The following CFAP206 variants were observed in gnomAD, a reference collection of about 807,000 sequenced individuals.
The protein encoded by CFAP206 is cilia- and flagella-associated protein 206.
In CFAP206, 53 loss-of-function variants were observed where a neutral mutation model predicts 65.4. That is an observed-to-expected ratio of 0.81 (90% CI 0.65 to 1.02). The LOEUF (loss-of-function observed/expected upper bound fraction) is 1.02, where lower values mean the gene tolerates loss of function less well. Ranked by LOEUF, CFAP206 falls within the 50% of genes least tolerant of loss-of-function variation. The probability of loss-of-function intolerance (pLI) is 0.00; values close to 1 mark genes in which losing one functional copy is unlikely to be tolerated. For synonymous variants in CFAP206, 250 were observed against 254.4 expected (o/e 0.98, Z 0.17); for missense variants, 663 against 753.2 (o/e 0.88, Z 1.40).
intron 7 of CFAP206, among the ~76,000 whole-genome samples, chr6:87,419,296 A>C (rs1379324597): frequency 6.6e-6 from 1 of 152,128 alleles, no homozygotes; most frequent in Non-Finnish European, 1.5e-5. Context: ...GTGTTTTTAG[A>C]TCTAATGAAC....
intron 7 of CFAP206, among the ~76,000 whole-genome samples, chr6:87,425,048 T>C (rs1768011080): frequency 6.6e-6 from 1 of 152,186 alleles, no homozygotes. Flanking sequence ...AAACTGTTCT[T>C]GCTACTGAAA....
At chr6:87,417,364 G>A (rs1402509096) in intron 6 of CFAP206, among the ~76,000 whole-genome samples, 3 of 151,768 alleles carry the variant, frequency 2.0e-5, no homozygotes, top group Non-Finnish European at 2.9e-5. Flanking sequence ...ATGAAATTTG[G>A]TACTCCTGTA....
At position 87,408,146 on chromosome 6, in the gene CFAP206, G is replaced by C. The variant is rs576896255; in HGVS notation, c.-6+57G>C. ...CCGGAGGCGTACCCCGCCAGGCGGC[G>C]AGCTTGGGGCGGCTGGCGGAGCTCG... On this transcript the variant is annotated intron_variant, in intron 1 of 12. Coordinates refer to ENST00000369562, the MANE Select transcript of CFAP206 (RefSeq NM_001031743.3). 225 of 914,310 alleles carry C rather than the reference G, an allele frequency of 2.5e-4. No individual in the cohort carries two copies. In the African/African-American group the frequency reaches 3.7e-3, roughly 15 times the overall value. 56.6% of individuals were successfully genotyped at this position (914,310 alleles called of 1,614,324 possible).
At chr6:87,433,516 T>C (rs1186240087) in intron 10 of CFAP206, among the ~76,000 whole-genome samples, 1 of 152,044 alleles carries the variant, frequency 6.6e-6, no homozygotes, top group Non-Finnish European at 1.5e-5. Flanking sequence ...TTGGAAAAGA[T>C]GTCCCATTTT....
At chr6:87,409,521 C>CTTT (rs71554717) in intron 1 of CFAP206, among the ~76,000 whole-genome samples, 1 of 137,956 alleles carries the variant, frequency 7.2e-6, no homozygotes, top group Non-Finnish European at 1.6e-5. Context: ...CCTGCTTAGC[C>CTTT]TTTTTTTTTT....
intron 11 of CFAP206, among the ~76,000 whole-genome samples, chr6:87,437,272 TTAC>T (rs1224684058): frequency 6.6e-6 from 1 of 152,196 alleles, no homozygotes; most frequent in Non-Finnish European, 1.5e-5. Flanking sequence ...CAGGCCCTTA[TTAC>T]TGCTTTATTG....
rs139508497 is a variant in CFAP206, at chr6:87,464,085, T to C, written c.1704T>C (p.Asn568=). 154 of 1,614,124 alleles carry C rather than the reference T, an allele frequency of 9.5e-5. 1 individual carries two copies. In the African/African-American group the frequency reaches 2.0e-3, roughly 21 times the overall value. The change falls in exon 13 of 13, where the codon AAT becomes AAC. Residue 568 remains asparagine, a synonymous_variant. Transcript: ENST00000369562. ...ATCTTAGTCACTTGAGAAGAGAAAA[T>C]TGTTCCCAAGTGTACCCTCCAAAGG... ...QTDLSHLRRE[N]CSQVYPPKDT...
At chr6:87,442,017 C>T in intron 11 of CFAP206, 1 of 238,734 alleles carries the variant, frequency 4.2e-6, no homozygotes, top group South Asian at 6.5e-5. Flanking sequence ...ATTGCAGATC[C>T]TTCCAAAATA....
chr6:87,430,764 C>G (rs1447496159), intron 9 of CFAP206, among the ~76,000 whole-genome samples: 1 of 152,188 alleles, frequency 6.6e-6, no homozygotes, highest in Admixed American at 6.5e-5. Context: ...GAAATGGCCT[C>G]TCCTTTCTGT....
chr6:87,417,553 CT>C lies in CFAP206; in HGVS notation c.632-639del, dbSNP rs11394813. 3.7e-3 allele frequency among the ~76,000 whole-genome samples: 490 copies of C among 132,748 alleles called. 2 individuals are homozygous for C. Among genetic ancestry groups the C allele is most frequent in the Middle Eastern group, 8.4e-3 (2 of 238 alleles). 87.1% of individuals were successfully genotyped at this position (132,748 alleles called of 152,430 possible). A position where few individuals can be genotyped will look rare whatever the true frequency, so the allele number is the denominator to read the frequency against. On this transcript the variant is annotated intron_variant, in intron 6 of 12. Transcript: ENST00000369562. The stretch of plus-strand genomic sequence containing the variant: ...CAGATGAGTTTCTTAACAAACGTTC[CT>C]TTTTTTTTTTTTTTTAATAACTAGA...
chr6:87,435,510 A>G (rs1768248552), intron 11 of CFAP206: 1 of 153,102 alleles, frequency 6.5e-6, no homozygotes, highest in African/African-American at 2.4e-5. Flanking sequence ...CTTATTTAGT[A>G]AGCCACTTAT....
At chr6:87,440,488 G>A (rs1010089130) in intron 11 of CFAP206, among the ~76,000 whole-genome samples, 8 of 151,982 alleles carry the variant, frequency 5.3e-5, no homozygotes, top group Admixed American at 4.6e-4. Context: ...TATTACAGGA[G>A]GTGAGTGTTG....
chr6:87,444,906 C>T (rs1768418538), intron 11 of CFAP206: 1 of 539,124 alleles, frequency 1.9e-6, no homozygotes, highest in Non-Finnish European at 3.7e-6. Flanking sequence ...GCTTGTAAGG[C>T]TCACCACTTG....
At chr6:87,428,288 G>A (rs1028046335) in intron 8 of CFAP206, among the ~76,000 whole-genome samples, 2 of 138,930 alleles carry the variant, frequency 1.4e-5, no homozygotes, top group African/African-American at 2.7e-5. Context: ...GTGCCTGGCC[G>A]TATTTTTTTT....
chr6:87,451,605 T>C (rs1445358119), intron 11 of CFAP206, among the ~76,000 whole-genome samples: 4 of 151,970 alleles, frequency 2.6e-5, no homozygotes, highest in Middle Eastern at 3.4e-3. Context: ...ATAGCTGTGG[T>C]GGCCACAAGG....
chr6:87,412,177 T>C (rs1767745633), intron 3 of CFAP206, among the ~76,000 whole-genome samples: 1 of 152,234 alleles, frequency 6.6e-6, no homozygotes, highest in Admixed American at 6.5e-5. Context: ...TATATTCAAG[T>C]GACAATTTTT....
At chr6:87,444,213 A>C (rs186474642) in intron 11 of CFAP206, among the ~76,000 whole-genome samples, 165 of 152,286 alleles carry the variant, frequency 1.1e-3, no homozygotes, top group Non-Finnish European at 9.7e-4. Flanking sequence ...TGGATACGCT[A>C]ATGGCAAACC....
intron 1 of CFAP206, among the ~76,000 whole-genome samples, chr6:87,409,317 G>A (rs771412219): frequency 2.0e-4 from 30 of 150,686 alleles, no homozygotes; most frequent in African/African-American, 6.1e-4. Context: ...GGGTTCAAAC[G>A]ATTCTCCTGC....
At chr6:87,426,730 T>A in intron 8 of CFAP206, 85 bp downstream of exon 8, 2 of 1,019,330 alleles carry the variant, frequency 2.0e-6, no homozygotes, top group Non-Finnish European at 2.6e-6. Flanking sequence ...TATAATTATA[T>A]TTAATTTCTA....
Sources: gnomAD v4.1 joint callset for allele counts (sites outside exome capture counted in the v4.1 genomes callset) on GRCh38, gnomAD v4.1.1 for gene constraint, MANE v1.5 for transcripts, NCBI Gene and HGNC (gene_info 2026-07-23, HGNC 2026-07-21) for gene names.